Variants in TMC1 observed in about 807,000 individuals in gnomAD.
TMC1 encodes the protein transmembrane channel-like protein 1.
A neutral mutation model predicts 105.8 loss-of-function variants in TMC1; 84 were observed. The ratio of observed to expected loss-of-function variants is 0.79; its 90% CI spans 0.67 to 0.95. TMC1 has a LOEUF of 0.95. Ranked by LOEUF, TMC1 falls within the 40% of genes least tolerant of loss-of-function variation. TMC1 has a pLI of 0.00. For missense variants in TMC1, 817 were observed against 914.1 expected (o/e 0.89, Z 1.37); for synonymous variants, 315 against 311.5 (o/e 1.01, Z -0.12).
Position 72,805,456 on chromosome 9 carries a change from A to C in TMC1, c.1641A>C (p.Ala547=). 8.1e-6 allele frequency: 13 copies of C among 1,613,346 alleles called. No individual in the cohort carries two copies. The highest frequency in any genetic ancestry group is 1.1e-5 in the Non-Finnish European group (13 of 1,179,822). Residue 547 remains alanine (A), a synonymous_variant, in exon 18 of 24, where the codon GCA becomes GCC. Coordinates refer to ENST00000297784, the MANE Select transcript of TMC1 (RefSeq NM_138691.3). ...VTILIGDFLR[A]CFVRFCNYCW... is the part of the protein sequence containing the mutation. ...TCCTCATTGGGGACTTTCTAAGGGC[A>C]TGTTTTGTGAGGTTTTGCAATTATT...
intron 8 of TMC1, among the ~76,000 whole-genome samples, chr9:72,711,416 C>G (rs1404609689): frequency 6.6e-6 from 1 of 152,202 alleles, no homozygotes; most frequent in Non-Finnish European, 1.5e-5. Flanking sequence ...TCTCCACATC[C>G]TCTCCAGCAC....
intron 1 of TMC1, among the ~76,000 whole-genome samples, chr9:72,556,683 A>G (rs1357413279): frequency 6.6e-6 from 1 of 151,714 alleles, no homozygotes; most frequent in African/African-American, 2.4e-5. Context: ...TTAGCCAGGT[A>G]TGGTGGTGCG....
chr9:72,793,485 A>G (rs1828310999), intron 17 of TMC1, among the ~76,000 whole-genome samples: 1 of 152,216 alleles, frequency 6.6e-6, no homozygotes, highest in South Asian at 2.1e-4. Flanking sequence ...CCCTGAGCAC[A>G]GCATAGCTGT....
chr9:72,528,922 A>G (rs1823450478), intron 1 of TMC1, among the ~76,000 whole-genome samples: 1 of 151,632 alleles, frequency 6.6e-6, no homozygotes, highest in South Asian at 2.1e-4. Flanking sequence ...AATTATTTGG[A>G]AAAAAAAATG....
intron 1 of TMC1, among the ~76,000 whole-genome samples, chr9:72,565,391 C>A (rs1824131448): frequency 6.6e-6 from 1 of 152,242 alleles, no homozygotes; most frequent in South Asian, 2.1e-4. Flanking sequence ...TAGGCTCTTT[C>A]TTATTCCTGC....
chr9:72,528,954 G>A (rs1823451219), intron 1 of TMC1, among the ~76,000 whole-genome samples: 1 of 151,866 alleles, frequency 6.6e-6, no homozygotes, highest in Admixed American at 6.6e-5. Context: ...AACATGTATA[G>A]ATTTTTTTTT....
chr9:72,683,733 T>TTATATATA (rs58007608), intron 5 of TMC1, among the ~76,000 whole-genome samples: 4,342 of 51,978 alleles, frequency 0.084, 479 homozygotes, highest in Non-Finnish European at 0.11. Context: ...GTTACACATT[T>TTATATATA]TATATATATA....
At chr9:72,640,646 T>G (rs975926667) in intron 4 of TMC1, among the ~76,000 whole-genome samples, 8 of 152,026 alleles carry the variant, frequency 5.3e-5, no homozygotes, top group Admixed American at 1.3e-4. Flanking sequence ...TTTGTTTTTT[T>G]TTTTGAGACG....
intron 1 of TMC1, among the ~76,000 whole-genome samples, chr9:72,567,258 G>A (rs1455190344): frequency 6.6e-6 from 1 of 152,092 alleles, no homozygotes; most frequent in Non-Finnish European, 1.5e-5. Flanking sequence ...TCACGGTCTC[G>A]TATTTGTCTG....
chr9:72,700,393 C>A, intron 7 of TMC1, 125 bp from the exon 8 acceptor site: 2 of 661,970 alleles, frequency 3.0e-6, no homozygotes, highest in Admixed American at 2.9e-5. Context: ...CTTATGGGTC[C>A]TAATGTTGAC....
intron 13 of TMC1, among the ~76,000 whole-genome samples, chr9:72,778,835 A>G (rs942756035): frequency 2.0e-5 from 3 of 152,120 alleles, no homozygotes; most frequent in Non-Finnish European, 2.9e-5. Flanking sequence ...GGCCATCATC[A>G]TAGCTTCTTT....
intron 2 of TMC1, among the ~76,000 whole-genome samples, chr9:72,614,970 G>A (rs547401940): frequency 6.6e-6 from 1 of 152,252 alleles, no homozygotes; most frequent in South Asian, 2.1e-4. Flanking sequence ...GTGAGCCACT[G>A]AGCCCAGCCA....
intron 1 of TMC1, among the ~76,000 whole-genome samples, chr9:72,568,175 C>A (rs1032238774): frequency 8.6e-5 from 13 of 151,754 alleles, no homozygotes; most frequent in African/African-American, 3.1e-4. Context: ...CCCAAATTTA[C>A]TGCTTCTTTC....
At chr9:72,752,438 A>G (rs1207422755) in intron 11 of TMC1, among the ~76,000 whole-genome samples, 2 of 130,692 alleles carry the variant, frequency 1.5e-5, no homozygotes, top group Non-Finnish European at 3.2e-5. Flanking sequence ...AAAGTAAGAT[A>G]ATGCCCACAA....
At position 72,671,345 on chromosome 9, in the gene TMC1, A is replaced by C. The variant is rs77734302; in HGVS notation, c.17-17364A>C. ...GAGGGACTTATGATCTGCTTCAGAG[A>C]AGTGCCAGGGAAGAACAGAGTGACC... On this transcript the variant is annotated intron_variant, in intron 5 of 23. Transcript: ENST00000297784. Among the ~76,000 whole-genome samples the C allele has an allele frequency of 2.7e-3, 413 of 152,322 alleles. 5 individuals carry two copies. The highest frequency in any genetic ancestry group is 9.4e-3 in the African/African-American group (390 of 41,584).
At chr9:72,697,684 T>G (rs1826574031) in intron 7 of TMC1, among the ~76,000 whole-genome samples, 2 of 152,082 alleles carry the variant, frequency 1.3e-5, no homozygotes, top group African/African-American at 4.8e-5. Flanking sequence ...TGATGTTGGA[T>G]TAGAGATGCT....
intron 2 of TMC1, among the ~76,000 whole-genome samples, chr9:72,613,352 C>G (rs564918318): frequency 5.3e-5 from 8 of 151,958 alleles, no homozygotes; most frequent in African/African-American, 1.9e-4. Context: ...TCTTCAACTC[C>G]CGAACTCAGA....
chr9:72,761,404 G>C (rs930284508), intron 12 of TMC1, among the ~76,000 whole-genome samples: 1 of 152,158 alleles, frequency 6.6e-6, no homozygotes, highest in African/African-American at 2.4e-5. Context: ...TGTGAGTAAA[G>C]GGAAATGCAT....
intron 23 of TMC1, among the ~76,000 whole-genome samples, 182 bp downstream of exon 23, chr9:72,830,864 G>C (rs949414700): frequency 6.6e-6 from 1 of 150,646 alleles, no homozygotes; most frequent in Admixed American, 6.6e-5. Flanking sequence ...CAGGGTATTT[G>C]GTTGTTTTCT....
Sources: gnomAD v4.1 joint callset for allele counts (sites outside exome capture counted in the v4.1 genomes callset) on GRCh38, gnomAD v4.1.1 for gene constraint, MANE v1.5 for transcripts, NCBI Gene and HGNC (gene_info 2026-07-23, HGNC 2026-07-21) for gene names.